The following CHD9 variants were observed in gnomAD, a reference collection of about 807,000 sequenced individuals.
CHD9 encodes the protein chromodomain helicase DNA binding protein 9, also known as ATP-dependent chromatin remodeler CHD9.
A neutral mutation model predicts 316.1 loss-of-function variants in CHD9; 77 were observed. That is an observed-to-expected ratio of 0.24 (90% confidence interval 0.20 to 0.29). CHD9 has a LOEUF of 0.29. Ranked by LOEUF, CHD9 falls within the 10% of genes least tolerant of loss-of-function variation. The pLI is 1.00. For missense variants in CHD9, 2,763 were observed against 3,438.1 expected (o/e 0.80, Z 4.91); for synonymous variants, 1,129 against 1,158.3 (o/e 0.97, Z 0.51).
chr16:53,219,821 C>T (rs1454272030), intron 3 of CHD9, among the ~76,000 whole-genome samples: 1 of 152,024 alleles, frequency 6.6e-6, no homozygotes, highest in Non-Finnish European at 1.5e-5. Flanking sequence ...ATAGTACTTC[C>T]CTTTTAAAAT....
At chr16:53,312,738 C>CAGAA (rs2056570782) in intron 34 of CHD9, among the ~76,000 whole-genome samples, 1 of 152,152 alleles carries the variant, frequency 6.6e-6, no homozygotes. Flanking sequence ...AAGTATGAAA[C>CAGAA]AGAATGGTTA....
chr16:53,270,528 T>C (rs983269428), intron 22 of CHD9, among the ~76,000 whole-genome samples: 1 of 152,184 alleles, frequency 6.6e-6, no homozygotes, highest in Non-Finnish European at 1.5e-5. Context: ...ATGAAATGAT[T>C]GATTTATTAC....
intron 24 of CHD9, among the ~76,000 whole-genome samples, chr16:53,279,955 A>T (rs1326304827): frequency 6.6e-6 from 1 of 152,226 alleles, no homozygotes; most frequent in Non-Finnish European, 1.5e-5. Context: ...GGGAAATGCA[A>T]ATCAAAACCA....
intron 2 of CHD9, among the ~76,000 whole-genome samples, chr16:53,178,709 T>G (rs997962726): frequency 2.6e-5 from 4 of 152,190 alleles, no homozygotes; most frequent in Non-Finnish European, 5.9e-5. Flanking sequence ...GTAATCGTCC[T>G]GCCTTGGCCT....
chr16:53,207,430 C>T (rs900286772), intron 2 of CHD9, among the ~76,000 whole-genome samples: 24 of 152,090 alleles, frequency 1.6e-4, no homozygotes, highest in African/African-American at 5.8e-4. Flanking sequence ...GACGATGAAA[C>T]AATTTTAACA....
At chr16:53,207,394 GA>G (rs1465678819) in intron 2 of CHD9, among the ~76,000 whole-genome samples, 1 of 151,808 alleles carries the variant, frequency 6.6e-6, no homozygotes, top group African/African-American at 2.4e-5. Flanking sequence ...TTTATGTTAC[GA>G]AAAAAATGTA....
At chr16:53,183,389 A>G (rs1597331718) in intron 2 of CHD9, among the ~76,000 whole-genome samples, 1 of 152,212 alleles carries the variant, frequency 6.6e-6, no homozygotes, top group African/African-American at 2.4e-5. Context: ...ATAATGCTGT[A>G]TATCCATAAA....
intron 2 of CHD9, among the ~76,000 whole-genome samples, chr16:53,190,687 C>T (rs1277307161): frequency 6.6e-6 from 1 of 152,030 alleles, no homozygotes; most frequent in East Asian, 1.9e-4. Flanking sequence ...TTCCCCATAT[C>T]TCTGGTGTGT....
chr16:53,278,072 A>G (rs942419632), intron 24 of CHD9, among the ~76,000 whole-genome samples: 3 of 152,162 alleles, frequency 2.0e-5, no homozygotes, highest in Non-Finnish European at 2.9e-5. Flanking sequence ...GCTCTCTACA[A>G]GGAAAACTAC....
chr16:53,242,630 A>G (rs944254885), intron 12 of CHD9, among the ~76,000 whole-genome samples: 7 of 152,214 alleles, frequency 4.6e-5, no homozygotes, highest in Non-Finnish European at 8.8e-5. Flanking sequence ...GAATAATATA[A>G]TTATGTTGGC....
intron 11 of CHD9, among the ~76,000 whole-genome samples, chr16:53,236,261 G>A (rs2048609789): frequency 6.6e-6 from 1 of 151,942 alleles, no homozygotes; most frequent in South Asian, 2.1e-4. Flanking sequence ...CTTTATCACA[G>A]TTCTGCCCCC....
At chr16:53,167,098 G>T (rs528983881) in intron 2 of CHD9, among the ~76,000 whole-genome samples, 2 of 152,260 alleles carry the variant, frequency 1.3e-5, no homozygotes, top group South Asian at 4.1e-4. Context: ...ACTATGGACA[G>T]ATACATATTT....
rs1326926596 is a variant in CHD9, at chr16:53,238,389, C to G, written c.2680C>G (p.Gln894Glu). The G allele has an allele frequency of 6.2e-7, 1 of 1,612,766 alleles. No individual in the cohort carries two copies. Among genetic ancestry groups the G allele is most frequent in the Non-Finnish European group, 8.5e-7 (1 of 1,179,108 alleles). ...TGAAATGGGTCTTGGCAAAACTATTCAATCAATTACATTCCTCTATGAAAT... is the reference window on the plus strand; with the variant it reads ...TGAAATGGGTCTTGGCAAAACTATTGAATCAATTACATTCCTCTATGAAAT... ...ADEMGLGKTI[Q>E]SITFLYEILL... The change falls in exon 12 of 39, where the codon CAA becomes GAA. Residue 894 changes from glutamine to glutamate, a missense_variant. This residue lies in a region of CHD9 where 186 missense variants were observed against 245.0 expected (regional missense o/e 0.76). Transcript: ENST00000447540.
intron 4 of CHD9, 150 bp downstream of exon 4, chr16:53,222,905 C>T (rs2047362915): frequency 7.5e-6 from 4 of 530,788 alleles, no homozygotes; most frequent in Admixed American, 3.5e-5. Context: ...TACAATATGT[C>T]CTGGTAATAT....
At chr16:53,297,695 C>G (rs1042723292) in intron 30 of CHD9, among the ~76,000 whole-genome samples, 2 of 152,242 alleles carry the variant, frequency 1.3e-5, no homozygotes, top group Non-Finnish European at 2.9e-5. Flanking sequence ...ATAGCTCATC[C>G]TGTCAACAGT....
In CHD9 at chr16:53,157,027, C is replaced by T. The variant is rs746932672; in HGVS notation, c.938C>T (p.Pro313Leu). 4.3e-6 allele frequency: 7 copies of T among 1,612,598 alleles called. No homozygotes were observed. The South Asian group carries it at 6.6e-5, about 15-fold the overall frequency. The change falls in exon 2 of 39, where the codon CCT becomes CTT. Residue 313 changes from proline to leucine, a missense_variant. This residue lies in a region of CHD9 where 859 missense variants were observed against 890.4 expected (regional missense o/e 0.96). Coordinates refer to ENST00000447540, the MANE Select transcript of CHD9 (RefSeq NM_001308319.2). The stretch of plus-strand genomic sequence containing the variant: ...TTTACTGGAAGTAATTCCTTTTCAC[C>T]TCATAGAGGAATCAAGCAAGAATCT... ...SDFTGSNSFSPHRGIKQESTQ... is the reference protein window; with the variant it reads ...SDFTGSNSFSLHRGIKQESTQ...
At chr16:53,307,070 G>A (rs1007312152) in intron 32 of CHD9, among the ~76,000 whole-genome samples, 9 of 151,760 alleles carry the variant, frequency 5.9e-5, no homozygotes, top group African/African-American at 2.2e-4. Context: ...GTGAGCCAGT[G>A]CACCTGACCA....
At chr16:53,288,077 CT>C in intron 27 of CHD9, 63 bp downstream of exon 27, 1 of 1,230,576 alleles carries the variant, frequency 8.1e-7, no homozygotes, top group Non-Finnish European at 1.2e-6. Flanking sequence ...CTTGTGTTTG[CT>C]TTTTCTTTTG....
intron 3 of CHD9, among the ~76,000 whole-genome samples, chr16:53,222,212 G>T (rs1384347234): frequency 5.9e-5 from 9 of 152,080 alleles, no homozygotes; most frequent in Non-Finnish European, 1.0e-4. Flanking sequence ...AAGTAGCTGG[G>T]ATTACAGATG....
Sources: allele counts gnomAD v4.1 joint callset (sites outside exome capture counted in the v4.1 genomes callset), GRCh38; gene constraint gnomAD v4.1.1; regional missense constraint gnomAD v4.1.1; transcripts MANE v1.5; gene names NCBI Gene and HGNC (gene_info 2026-07-23, HGNC 2026-07-21).